The following KCNIP3 variants were observed in gnomAD, a reference collection of about 807,000 sequenced individuals.
KCNIP3 encodes the protein calsenilin.
In KCNIP3, 28 loss-of-function variants were observed where a neutral mutation model predicts 35.0. That is an observed-to-expected ratio of 0.80 (90% CI 0.59 to 1.10). KCNIP3 has a LOEUF of 1.10. Among genes scored for constraint, KCNIP3 ranks in the 50% least tolerant of loss-of-function variants. The pLI is 0.00. For synonymous variants in KCNIP3, 134 were observed against 133.8 expected, an observed-to-expected ratio of 1.00 and a Z score of -0.01; for missense variants, 295 against 338.4, an observed-to-expected ratio of 0.87 and a Z score of 1.01.
chr2:95,309,412 G>A (rs1678257387), intron 1 of KCNIP3, among the ~76,000 whole-genome samples: 1 of 146,540 alleles, frequency 6.8e-6, no homozygotes, highest in Admixed American at 7.0e-5. Flanking sequence ...CACCGACTCA[G>A]GCACATGGCC....
intron 2 of KCNIP3, among the ~76,000 whole-genome samples, chr2:95,330,852 T>G (rs1678911345): frequency 6.6e-6 from 1 of 152,118 alleles, no homozygotes; most frequent in Non-Finnish European, 1.5e-5. Context: ...CCAGACAGAA[T>G]AAAAACCCCT....
rs1276930533 is a variant in KCNIP3, at chr2:95,382,340, G to C, written c.556-37G>C. 8 of 1,446,386 alleles carry C rather than the reference G, an allele frequency of 5.5e-6. No homozygotes were observed. Among genetic ancestry groups the C allele is most frequent in the Non-Finnish European group, 2.8e-6 (3 of 1,064,658 alleles). 89.6% of individuals were successfully genotyped at this position (1,446,386 alleles called of 1,614,324 possible). ...CCCTTTGGGCCCTCACAGCCACCCC[G>C]GCCTTGCAGCAGGCTCATGCCAGCC... On this transcript the variant is annotated intron_variant, in intron 6 of 8. Coordinates refer to ENST00000295225, the MANE Select transcript of KCNIP3 (RefSeq NM_013434.5). This position sits in a 1 kb window ranked among gnomAD's most constrained non-coding sequence, Gnocchi z 4.5.
chr2:95,317,698 G>A (rs1678494088), intron 2 of KCNIP3, among the ~76,000 whole-genome samples: 1 of 152,190 alleles, frequency 6.6e-6, no homozygotes, highest in Non-Finnish European at 1.5e-5. Context: ...GGAGTGGGGA[G>A]TCCTAGAAAA....
chr2:95,310,394 C>G lies in KCNIP3; in HGVS notation c.55C>G (p.Leu19Val), dbSNP rs1444307676. 1 of 1,613,160 alleles carries G rather than the reference C, an allele frequency of 6.2e-7. No individual in the cohort carries two copies. The highest frequency in any genetic ancestry group is 1.3e-5 in the African/African-American group (1 of 74,926). Reference sequence around the variant, plus strand: ...GTCGGACGGCAGCCTCCTGGGGGACCTCGGGCACACACCACTTAGCAAGAA... The same window carrying G: ...GTCGGACGGCAGCCTCCTGGGGGACGTCGGGCACACACCACTTAGCAAGAA... ...KASDGSLLGD[L>V]GHTPLSKKEG... The change falls in exon 2 of 9, where the codon CTC becomes GTC. Residue 19 changes from leucine to valine, a missense_variant. Physicochemically the swap from Leu to Val is conservative, Grantham distance 32 (BLOSUM62 1). Coordinates refer to ENST00000295225, the MANE Select transcript of KCNIP3 (RefSeq NM_013434.5).
At position 95,297,462 on chromosome 2, in the gene KCNIP3, T is replaced by C; in HGVS notation, c.15+9T>C. 1.1e-5 allele frequency: 8 copies of C among 700,614 alleles called. No individual in the cohort carries two copies. Among genetic ancestry groups the C allele is most frequent in the Non-Finnish European group, 1.5e-5 (8 of 549,318 alleles). 43.4% of individuals were successfully genotyped at this position (700,614 alleles called of 1,614,324 possible). Reference sequence around the variant, plus strand: ...GGATGCAGCCGGCTAAGGTAGGTGCTGGGGGAATGGGGTCTTGCTCTGGAG... The same window carrying C: ...GGATGCAGCCGGCTAAGGTAGGTGCCGGGGGAATGGGGTCTTGCTCTGGAG... On this transcript the variant is annotated intron_variant, in intron 1 of 8. Coordinates refer to ENST00000295225, the MANE Select transcript of KCNIP3 (RefSeq NM_013434.5).
At chr2:95,333,188 G>A (rs548398339) in intron 2 of KCNIP3, among the ~76,000 whole-genome samples, 31 of 152,308 alleles carry the variant, frequency 2.0e-4, no homozygotes, top group East Asian at 9.7e-4. Flanking sequence ...ATAAATCCCC[G>A]GCCACAGACT....
chr2:95,372,694 T>G (rs963999094), intron 2 of KCNIP3, among the ~76,000 whole-genome samples: 3 of 151,638 alleles, frequency 2.0e-5, no homozygotes, highest in African/African-American at 7.3e-5. Context: ...TGCAGGCAGG[T>G]GGGTAGGTGT....
chr2:95,352,640 G>T (rs1042631210), intron 2 of KCNIP3, among the ~76,000 whole-genome samples: 8 of 152,018 alleles, frequency 5.3e-5, no homozygotes, highest in African/African-American at 1.9e-4. Flanking sequence ...TTTGCCAGTG[G>T]CCTGTAAACT....
At chr2:95,298,690 AGAGGATCAGCT>A (rs1422466147) in intron 1 of KCNIP3, 4 of 152,272 alleles carry the variant, frequency 2.6e-5, no homozygotes, top group African/African-American at 9.7e-5. Flanking sequence ...CAGGGTGCCA[AGAGGATCAGCT>A]GAGGTGATGG....
intron 2 of KCNIP3, among the ~76,000 whole-genome samples, chr2:95,345,931 C>T (rs1679343606): frequency 6.6e-6 from 1 of 152,256 alleles, no homozygotes; most frequent in Admixed American, 6.5e-5. Flanking sequence ...TCTTCCCCGC[C>T]GCCCGAAGGC....
chr2:95,299,612 G>A (rs1216690547), intron 1 of KCNIP3, among the ~76,000 whole-genome samples: 2 of 152,260 alleles, frequency 1.3e-5, no homozygotes, highest in African/African-American at 4.8e-5. Context: ...GAGCTCTTAG[G>A]AGAAAGGAGC....
At chr2:95,334,941 A>G (rs980403865) in intron 2 of KCNIP3, among the ~76,000 whole-genome samples, 6 of 152,218 alleles carry the variant, frequency 3.9e-5, no homozygotes, top group African/African-American at 1.4e-4. Context: ...CAGGTCACTG[A>G]GCGCTCAAAG....
chr2:95,306,886 A>T (rs1449116276), intron 1 of KCNIP3, among the ~76,000 whole-genome samples: 1 of 152,114 alleles, frequency 6.6e-6, no homozygotes, highest in Non-Finnish European at 1.5e-5. Context: ...GCTATTTAAC[A>T]TTCCCTGACA....
chr2:95,310,231 C>A, intron 1 of KCNIP3, 124 bp from the exon 2 acceptor site: 1 of 1,164,992 alleles, frequency 8.6e-7, no homozygotes, highest in Non-Finnish European at 1.3e-6. Context: ...CATGCAGCCC[C>A]GGAAGGTGAG....
chr2:95,381,507 C>T lies in KCNIP3; in HGVS notation c.448-89C>T, dbSNP rs746095156. On this transcript the variant is annotated intron_variant, in intron 5 of 8. Transcript: ENST00000295225. Reference sequence around the variant, plus strand: ...AGGGAGGCTCTGTGCCTGTTGGAGGCGTGAATTTCAGTGGAAGCCACACAG... The same window carrying T: ...AGGGAGGCTCTGTGCCTGTTGGAGGTGTGAATTTCAGTGGAAGCCACACAG... 29 of 905,074 alleles carry T rather than the reference C, an allele frequency of 3.2e-5. No homozygotes were observed. In the Middle Eastern group the frequency reaches 6.5e-4, roughly 20 times the overall value. 56.1% of individuals were successfully genotyped at this position (905,074 alleles called of 1,614,324 possible).
chr2:95,306,625 G>C (rs949231822), intron 1 of KCNIP3, among the ~76,000 whole-genome samples: 5 of 152,220 alleles, frequency 3.3e-5, no homozygotes, highest in Non-Finnish European at 5.9e-5. Flanking sequence ...CCAGTGCCAG[G>C]AGCAGCAGGT....
At chr2:95,302,376 T>A (rs76591556) in intron 1 of KCNIP3, among the ~76,000 whole-genome samples, 5 of 152,288 alleles carry the variant, frequency 3.3e-5, no homozygotes, top group African/African-American at 1.2e-4. Context: ...CATTTTCAGA[T>A]CTATTGAGGA....
At chr2:95,366,627 T>A (rs536124103) in intron 2 of KCNIP3, among the ~76,000 whole-genome samples, 15 of 152,228 alleles carry the variant, frequency 9.9e-5, no homozygotes, top group Non-Finnish European at 2.1e-4. Flanking sequence ...CAGTACCACT[T>A]CTCTCTCCTG....
At chr2:95,338,697 A>G (rs1323649074) in intron 2 of KCNIP3, among the ~76,000 whole-genome samples, 1 of 152,208 alleles carries the variant, frequency 6.6e-6, no homozygotes. Context: ...CAAGATAAGG[A>G]GTCTACTCGA....
Sources: gnomAD v4.1 joint callset for allele counts (sites outside exome capture counted in the v4.1 genomes callset) on GRCh38, gnomAD v4.1.1 for gene constraint, Gnocchi (gnomAD v3.1) non-coding constraint, MANE v1.5 for transcripts, NCBI Gene and HGNC (gene_info 2026-07-23, HGNC 2026-07-21) for gene names.